The following THADA variants were observed in gnomAD, a reference collection of about 807,000 sequenced individuals.
The protein encoded by THADA is tRNA (32-2'-O)-methyltransferase regulator THADA.
A neutral mutation model predicts 219.8 loss-of-function variants in THADA; 213 were observed. That is an observed-to-expected ratio of 0.97 (90% CI 0.87 to 1.09). The LOEUF (loss-of-function observed/expected upper bound fraction) is 1.09. Among genes scored for constraint, THADA ranks in the 50% least tolerant of loss-of-function variants. The pLI is 0.00. For missense variants in THADA, 2,956 were observed against 2,311.3 expected (o/e 1.28, Z -5.72); for synonymous variants, 1,018 against 828.9 (o/e 1.23, Z -3.92).
chr2:43,413,120 C>T (rs1458594922), intron 28 of THADA, among the ~76,000 whole-genome samples: 2 of 152,016 alleles, frequency 1.3e-5, no homozygotes, highest in Non-Finnish European at 2.9e-5. Context: ...CCCTCTCTCC[C>T]CTCTTCTCTC....
At chr2:43,425,964 G>C (rs1678375299) in intron 28 of THADA, among the ~76,000 whole-genome samples, 1 of 152,082 alleles carries the variant, frequency 6.6e-6, no homozygotes. Context: ...TCTGCTGTTG[G>C]TGATGTTCTA....
Position 43,556,490 on chromosome 2 carries a change from G to A in THADA, c.2529C>T (p.Tyr843=), listed in dbSNP as rs376123654. Residue 843 remains tyrosine, a synonymous_variant, in exon 17 of 38, where the codon TAC becomes TAT. Transcript: ENST00000405975. Reference sequence around the variant, plus strand: ...GCAGGTAGGAAGCTGTCACACAGTCGTATGGTTTGGTGCTTGTGCTGAGCT... The same window carrying A: ...GCAGGTAGGAAGCTGTCACACAGTCATATGGTTTGGTGCTTGTGCTGAGCT... The part of the protein sequence containing the change: ...ALELSTSTKP[Y]DCVTASYLLN... 69 of 1,613,778 alleles carry A rather than the reference G, an allele frequency of 4.3e-5. No homozygotes were observed. Among genetic ancestry groups the A allele is most frequent in the African/African-American group, 1.9e-4 (14 of 74,900 alleles).
intron 26 of THADA, among the ~76,000 whole-genome samples, chr2:43,445,932 C>G (rs375293476): frequency 3.3e-5 from 5 of 152,298 alleles, no homozygotes; most frequent in Admixed American, 3.3e-4. Context: ...CAATACTATC[C>G]TGAGACAGGG....
intron 36 of THADA, among the ~76,000 whole-genome samples, chr2:43,254,998 C>G (rs1015953751): frequency 6.6e-6 from 1 of 152,164 alleles, no homozygotes; most frequent in African/African-American, 2.4e-5. Flanking sequence ...CTCCAAACTT[C>G]AAAACCAACC....
intron 22 of THADA, among the ~76,000 whole-genome samples, chr2:43,521,407 T>A (rs928742128): frequency 6.6e-6 from 1 of 152,080 alleles, no homozygotes; most frequent in Non-Finnish European, 1.5e-5. Context: ...TACAAAAAAA[T>A]TAGCCTGGCA....
chr2:43,404,021 T>C (rs1463995128), intron 28 of THADA, among the ~76,000 whole-genome samples: 1 of 152,216 alleles, frequency 6.6e-6, no homozygotes, highest in Non-Finnish European at 1.5e-5. Flanking sequence ...AGCTCTGGAT[T>C]ATACTACCTT....
intron 8 of THADA, among the ~76,000 whole-genome samples, chr2:43,579,004 G>GT (rs1452273399): frequency 1.3e-5 from 2 of 152,094 alleles, no homozygotes; most frequent in African/African-American, 4.8e-5. Context: ...GCTAATTTTT[G>GT]TATCTTTAGT....
intron 27 of THADA, among the ~76,000 whole-genome samples, chr2:43,429,672 A>C (rs1023062469): frequency 2.6e-5 from 4 of 152,038 alleles, no homozygotes; most frequent in African/African-American, 7.2e-5. Flanking sequence ...AATAATTCAT[A>C]ACAGAAGAAA....
chr2:43,540,994 T>C (rs887246689), intron 21 of THADA, among the ~76,000 whole-genome samples, 165 bp downstream of exon 21: 3 of 152,240 alleles, frequency 2.0e-5, no homozygotes, highest in African/African-American at 2.4e-5. Flanking sequence ...TGAAATGTAT[T>C]ATAAAGTCTA....
In THADA at chr2:43,508,795, T is replaced by G. The variant is rs1272068355; in HGVS notation, c.3375-15A>C. 1 of 1,610,764 alleles carries G rather than the reference T, an allele frequency of 6.2e-7. No homozygotes were observed. Among genetic ancestry groups the G allele is most frequent in the Non-Finnish European group, 8.5e-7 (1 of 1,178,608 alleles). ...CATTTGGGCACCTAAAAGGCATATA[T>G]AATCAAATATTCGGAATTAGGTATC... On this transcript the variant is annotated splice_polypyrimidine_tract_variant and intron_variant, in intron 22 of 37. Transcript: ENST00000405975.
chr2:43,233,845 T>C (rs1305500008), intron 36 of THADA, among the ~76,000 whole-genome samples: 4 of 152,122 alleles, frequency 2.6e-5, no homozygotes, highest in Admixed American at 6.6e-5. Context: ...CACTGCACAA[T>C]GGACCTCTGT....
chr2:43,349,516 A>C (rs1668014643), intron 29 of THADA, among the ~76,000 whole-genome samples: 1 of 152,232 alleles, frequency 6.6e-6, no homozygotes, highest in African/African-American at 2.4e-5. Flanking sequence ...GTGTTAGACA[A>C]GATCAAGATG....
intron 1 of THADA, among the ~76,000 whole-genome samples, chr2:43,595,310 T>A (rs977324628): frequency 2.6e-5 from 4 of 152,124 alleles, no homozygotes; most frequent in Non-Finnish European, 4.4e-5. Context: ...TGGACGCAGC[T>A]AGGAAAGTGT....
intron 26 of THADA, chr2:43,430,683 G>A: frequency 6.6e-6 from 3 of 456,250 alleles, no homozygotes; most frequent in Non-Finnish European, 8.8e-6. Context: ...GACAGGTCTA[G>A]AACAAGCGTT....
chr2:43,383,913 C>A (rs947610476), intron 29 of THADA, among the ~76,000 whole-genome samples: 15 of 152,032 alleles, frequency 9.9e-5, no homozygotes, highest in South Asian at 2.1e-4. Flanking sequence ...CTTGGGCAGA[C>A]TTTTTGGTGG....
intron 31 of THADA, among the ~76,000 whole-genome samples, chr2:43,316,735 C>CTGG (rs1359344152): frequency 6.6e-6 from 1 of 152,160 alleles, no homozygotes; most frequent in East Asian, 1.9e-4. Context: ...CGAGACCAGC[C>CTGG]TGACGAACAA....
At chr2:43,561,489 C>G (rs1490476751) in intron 15 of THADA, among the ~76,000 whole-genome samples, 2 of 152,196 alleles carry the variant, frequency 1.3e-5, no homozygotes, top group African/African-American at 4.8e-5. Context: ...TGTGGAAAAA[C>G]AGGTTTCATG....
chr2:43,371,932 T>C (rs923623987), intron 29 of THADA: 3 of 152,172 alleles, frequency 2.0e-5, no homozygotes, highest in Non-Finnish European at 2.9e-5. Flanking sequence ...AAGTCAGTGA[T>C]GGATTATAAA....
chr2:43,581,372 A>T (rs1169664389), intron 8 of THADA, among the ~76,000 whole-genome samples: 7 of 152,066 alleles, frequency 4.6e-5, no homozygotes, highest in Non-Finnish European at 8.8e-5. Context: ...TCTATTAAAA[A>T]TACAAAAAAT....
Sources: allele counts gnomAD v4.1 joint callset (sites outside exome capture counted in the v4.1 genomes callset), GRCh38; gene constraint gnomAD v4.1.1; transcripts MANE v1.5; gene names NCBI Gene and HGNC (gene_info 2026-07-23, HGNC 2026-07-21).